The following NELL1 variants were observed in gnomAD, a reference collection of about 807,000 sequenced individuals.
NELL1 encodes the protein protein kinase C-binding protein NELL1.
In NELL1, 76 loss-of-function variants were observed where a neutral mutation model predicts 107.4. That is an observed-to-expected ratio of 0.71 (90% CI 0.59 to 0.86). NELL1 has a LOEUF of 0.86. NELL1 is among the 40% of genes least tolerant of loss of function. The pLI, the probability that NELL1 is intolerant of heterozygous loss-of-function variation, is 0.00. For missense variants in NELL1, 1,024 were observed against 1,005.5 expected (o/e 1.02, Z -0.25); for synonymous variants, 353 against 341.2 (o/e 1.03, Z -0.38).
intron 15 of NELL1, among the ~76,000 whole-genome samples, chr11:21,402,192 A>AT (rs1564877078): frequency 6.6e-6 from 1 of 151,712 alleles, no homozygotes; most frequent in East Asian, 2.0e-4. Context: ...GCGTCAACCC[A>AT]TTTTACAATT....
intron 15 of NELL1, among the ~76,000 whole-genome samples, chr11:21,525,709 G>A (rs1855836102): frequency 1.3e-5 from 2 of 152,200 alleles, no homozygotes; most frequent in Admixed American, 1.3e-4. Flanking sequence ...GGCAGAAGGT[G>A]AATGAGAAGA....
At chr11:20,857,240 G>C (rs1564936255) in intron 4 of NELL1, among the ~76,000 whole-genome samples, 1 of 152,096 alleles carries the variant, frequency 6.6e-6, no homozygotes, top group Non-Finnish European at 1.5e-5. Flanking sequence ...CCGAGATAAA[G>C]GCAAACAGTG....
chr11:21,245,912 A>G (rs1377949005), intron 14 of NELL1, among the ~76,000 whole-genome samples: 4 of 152,156 alleles, frequency 2.6e-5, no homozygotes, highest in Non-Finnish European at 4.4e-5. Flanking sequence ...ATCCTGCTCA[A>G]TGCACAGGCA....
chr11:21,179,859 A>T (rs1455447492), intron 13 of NELL1, among the ~76,000 whole-genome samples: 1 of 79,846 alleles, frequency 1.3e-5, no homozygotes, highest in Admixed American at 1.5e-4. Flanking sequence ...AGAAATCAAC[A>T]CACTTTTTTT....
chr11:21,149,054 T>A (rs1183398837), intron 13 of NELL1, among the ~76,000 whole-genome samples: 1 of 152,222 alleles, frequency 6.6e-6, no homozygotes, highest in East Asian at 1.9e-4. Context: ...TTGTTGCAGT[T>A]CTGGTCTTTA....
chr11:20,728,643 G>A (rs1308028585), intron 2 of NELL1, among the ~76,000 whole-genome samples: 1 of 151,274 alleles, frequency 6.6e-6, no homozygotes, highest in Admixed American at 6.6e-5. Context: ...TTATTTCTGG[G>A]TTCTCTATTC....
intron 2 of NELL1, among the ~76,000 whole-genome samples, chr11:20,777,104 G>A (rs1329419874): frequency 6.6e-6 from 1 of 152,232 alleles, no homozygotes; most frequent in Non-Finnish European, 1.5e-5. Flanking sequence ...TTGGTGAATA[G>A]CAGGTGTAAC....
At chr11:21,060,439 A>G (rs1853712015) in intron 12 of NELL1, among the ~76,000 whole-genome samples, 1 of 152,186 alleles carries the variant, frequency 6.6e-6, no homozygotes, top group Admixed American at 6.5e-5. Flanking sequence ...TGCCTTAGCT[A>G]TGCCATCATT....
intron 13 of NELL1, among the ~76,000 whole-genome samples, chr11:21,149,579 C>A (rs951074128): frequency 6.6e-6 from 1 of 152,170 alleles, no homozygotes; most frequent in Non-Finnish European, 1.5e-5. Context: ...CTCCACCTGA[C>A]CCCACCGTTG....
intron 12 of NELL1, among the ~76,000 whole-genome samples, chr11:21,076,982 C>A (rs1854151560): frequency 6.6e-6 from 1 of 152,194 alleles, no homozygotes; most frequent in African/African-American, 2.4e-5. Flanking sequence ...GCCAAATAAA[C>A]CTCTTTTCTT....
intron 2 of NELL1, among the ~76,000 whole-genome samples, chr11:20,710,449 A>G (rs1376821082): frequency 6.6e-6 from 1 of 152,118 alleles, no homozygotes; most frequent in Non-Finnish European, 1.5e-5. Flanking sequence ...TCAGTTAGCT[A>G]GTATTTTGTT....
At chr11:21,360,207 C>A (rs1444431722) in intron 14 of NELL1, among the ~76,000 whole-genome samples, 3 of 151,670 alleles carry the variant, frequency 2.0e-5, no homozygotes, top group Non-Finnish European at 2.9e-5. Flanking sequence ...TCATTCAACT[C>A]AAAAAAAATT....
At chr11:21,446,484 G>T (rs1161656934) in intron 15 of NELL1, among the ~76,000 whole-genome samples, 3 of 151,994 alleles carry the variant, frequency 2.0e-5, no homozygotes, top group African/African-American at 7.2e-5. Flanking sequence ...ATCCTTTTTG[G>T]GAAGGCTTTT....
chr11:20,689,629 G>T (rs1854404817), intron 2 of NELL1, among the ~76,000 whole-genome samples: 1 of 147,896 alleles, frequency 6.8e-6, no homozygotes, highest in African/African-American at 2.5e-5. Flanking sequence ...CATTTTTTAT[G>T]GCTGCATAGT....
At chr11:21,284,475 G>C in intron 14 of NELL1, 1 of 459,100 alleles carries the variant, frequency 2.2e-6, no homozygotes, top group Non-Finnish European at 4.4e-6. Flanking sequence ...CTGGGAGATG[G>C]TCTCTTCCTC....
chr11:21,216,443 A>G (rs1857615311), intron 13 of NELL1, among the ~76,000 whole-genome samples: 1 of 152,154 alleles, frequency 6.6e-6, no homozygotes, highest in African/African-American at 2.4e-5. Context: ...GACAGCTTGC[A>G]CTGTGTGCCT....
chr11:21,211,189 G>A (rs1046040548), intron 13 of NELL1, among the ~76,000 whole-genome samples: 5 of 152,120 alleles, frequency 3.3e-5, no homozygotes, highest in African/African-American at 1.2e-4. Flanking sequence ...AATGTTACAG[G>A]GGAAATTGCC....
chr11:20,724,455 T>C (rs978786439), intron 2 of NELL1, among the ~76,000 whole-genome samples: 1 of 152,170 alleles, frequency 6.6e-6, no homozygotes, highest in African/African-American at 2.4e-5. Context: ...AGAAATTTCT[T>C]CCACCAGGTA....
chr11:20,706,676 TA>T (rs563903156), intron 2 of NELL1, among the ~76,000 whole-genome samples: 162 of 147,274 alleles, frequency 1.1e-3, no homozygotes, highest in African/African-American at 2.8e-3. Context: ...AATAACAAAA[TA>T]AAAAAAAAAG....
Sources: allele counts gnomAD v4.1 joint callset (sites outside exome capture counted in the v4.1 genomes callset), GRCh38; gene constraint gnomAD v4.1.1; transcripts MANE v1.5; gene names NCBI Gene and HGNC (gene_info 2026-07-23, HGNC 2026-07-21).